COXFA4: variants seen among roughly 807,000 people sequenced by gnomAD.
COXFA4 encodes cytochrome c oxidase associated subunit FA4.
the COXFA4 span, chr7:10,940,147 G>T: frequency 1.5e-6 from 2 of 1,316,874 alleles, no homozygotes; most frequent in African/African-American, 1.4e-5. Context: ...AGACACTACG[G>T]ACTTCCAAAG....
chr7:10,940,039 C>G, the COXFA4 span: 5 of 1,613,822 alleles, frequency 3.1e-6, no homozygotes, highest in Non-Finnish European at 4.2e-6. Context: ...TTGGCCTGAC[C>G]GATGATCTGG....
At chr7:10,938,960 T>C in the COXFA4 span, 3 of 1,227,394 alleles carry the variant, frequency 2.4e-6, no homozygotes. Context: ...AACGAGAGAT[T>C]ACAGTAGTTT....
the COXFA4 span, chr7:10,938,696 A>T: frequency 2.4e-4 from 185 of 784,432 alleles, no homozygotes; most frequent in Non-Finnish European, 1.1e-4. Context: ...TTATTGTATG[A>T]CTGTAAATGT....
chr7:10,934,235 G>C, the COXFA4 span, among the ~76,000 whole-genome samples: 1 of 151,950 alleles, frequency 6.6e-6, no homozygotes, highest in African/African-American at 2.4e-5. Context: ...TCCTAATCCA[G>C]ACTATATTCA....
the COXFA4 span, chr7:10,938,868 G>C: frequency 6.2e-7 from 1 of 1,613,440 alleles, no homozygotes; most frequent in Non-Finnish European, 8.5e-7. Context: ...AGTAGCTCCA[G>C]TTCCAATAAA....
the COXFA4 span, among the ~76,000 whole-genome samples, chr7:10,936,490 G>C: frequency 6.6e-6 from 1 of 152,166 alleles, no homozygotes; most frequent in South Asian, 2.1e-4. Context: ...AAAGTTTCTT[G>C]TATGTGGAAT....
chr7:10,935,633 A>G, the COXFA4 span, among the ~76,000 whole-genome samples: 1 of 152,176 alleles, frequency 6.6e-6, no homozygotes, highest in Non-Finnish European at 1.5e-5. Context: ...GTGCCTTTAC[A>G]GGAGGGCTCA....
the COXFA4 span, chr7:10,938,853 G>A: frequency 6.2e-7 from 1 of 1,613,666 alleles, no homozygotes; most frequent in Non-Finnish European, 8.5e-7. Flanking sequence ...ATACAGTGTT[G>A]CTCCAGTAGC....
chr7:10,938,927 T>C, the COXFA4 span: 4 of 1,532,628 alleles, frequency 2.6e-6, no homozygotes, highest in East Asian at 9.0e-5. Context: ...AATAACCATC[T>C]TCAAATACTT....
At chr7:10,938,288 G>A in the COXFA4 span, 2 of 728,608 alleles carry the variant, frequency 2.7e-6, no homozygotes, top group Non-Finnish European at 4.6e-6. Flanking sequence ...GTTGAAACAG[G>A]TAGAGGATCT....
chr7:10,939,147 G>A, the COXFA4 span: 2 of 391,772 alleles, frequency 5.1e-6, no homozygotes, highest in African/African-American at 4.1e-5. Context: ...TTAATGTGGA[G>A]CAAATTATAG....
At chr7:10,935,222 C>G in the COXFA4 span, among the ~76,000 whole-genome samples, 13 of 152,222 alleles carry the variant, frequency 8.5e-5, no homozygotes, top group African/African-American at 3.1e-4. Flanking sequence ...GATTTACTTG[C>G]TTCATATCCA....
At chr7:10,937,846 T>TAGG in the COXFA4 span, 1 of 513,234 alleles carries the variant, frequency 1.9e-6, no homozygotes, top group Non-Finnish European at 3.5e-6. Context: ...ACCTAAGAAC[T>TAGG]AAGAAAATGG....
the COXFA4 span, chr7:10,940,057 T>C: frequency 1.2e-6 from 2 of 1,613,718 alleles, no homozygotes; most frequent in East Asian, 2.2e-5. Flanking sequence ...TGGCGGAGCA[T>C]GTTTGCGGCA....
chr7:10,935,434 C>G, the COXFA4 span, among the ~76,000 whole-genome samples: 1 of 152,298 alleles, frequency 6.6e-6, no homozygotes, highest in African/African-American at 2.4e-5. Flanking sequence ...TTATTTTGGT[C>G]CTGTCTCTTG....
chr7:10,937,056 C>T, the COXFA4 span, among the ~76,000 whole-genome samples: 2 of 151,948 alleles, frequency 1.3e-5, no homozygotes, highest in African/African-American at 4.8e-5. Flanking sequence ...AACAAAAAAA[C>T]GTTGCTATGA....
chr7:10,933,610 A>C, the COXFA4 span: 1 of 1,593,028 alleles, frequency 6.3e-7, no homozygotes, highest in Non-Finnish European at 8.6e-7. Flanking sequence ...TTCATTCTAA[A>C]GCAGCGTTAT....
chr7:10,939,952 A>C, the COXFA4 span: 1 of 1,582,836 alleles, frequency 6.3e-7, no homozygotes, highest in Non-Finnish European at 8.7e-7. Flanking sequence ...CAGGGAACAG[A>C]AAGAGGCGCA....
the COXFA4 span, among the ~76,000 whole-genome samples, chr7:10,934,138 T>C: frequency 6.6e-6 from 1 of 152,070 alleles, no homozygotes; most frequent in Non-Finnish European, 1.5e-5. Context: ...GGAGAGATCC[T>C]GCAACAAAAA....
Sources: allele counts gnomAD v4.1 joint callset (sites outside exome capture counted in the v4.1 genomes callset), GRCh38; gene constraint gnomAD v4.1.1; transcripts MANE v1.5; gene names NCBI Gene and HGNC (gene_info 2026-07-23, HGNC 2026-07-21).